Variants in PPFIA1 observed in about 807,000 individuals in gnomAD.
PPFIA1 encodes the protein liprin-alpha-1.
A neutral mutation model predicts 149.9 loss-of-function variants in PPFIA1; 25 were observed. That is an observed-to-expected ratio of 0.17 (90% confidence interval 0.12 to 0.23). PPFIA1 has a LOEUF of 0.23. Ranked by LOEUF, PPFIA1 falls within the 10% of genes least tolerant of loss-of-function variation. The pLI is 1.00. For synonymous variants in PPFIA1, 549 were observed against 552.8 expected, an observed-to-expected ratio of 0.99 and a Z score of 0.10; for missense variants, 1,362 against 1,506.5, an observed-to-expected ratio of 0.90 and a Z score of 1.59.
intron 18 of PPFIA1, 21 bp downstream of exon 18, chr11:70,355,832 CT>C: frequency 6.3e-7 from 1 of 1,594,692 alleles, no homozygotes; most frequent in South Asian, 1.1e-5. Context: ...TTTCCGCACC[CT>C]TCTCAGCACC....
At chr11:70,295,419 C>T (rs535318193) in intron 2 of PPFIA1, among the ~76,000 whole-genome samples, 16 of 144,832 alleles carry the variant, frequency 1.1e-4, no homozygotes, top group Non-Finnish European at 2.1e-4. Context: ...GGTGGCTGGC[C>T]GGGCACAGGG....
chr11:70,335,712 G>A lies in PPFIA1; in HGVS notation c.1428+18G>A. On this transcript the variant is annotated intron_variant, in intron 11 of 27. Coordinates refer to ENST00000253925, the MANE Select transcript of PPFIA1 (RefSeq NM_003626.5). ...AAGATAAGGTAAGTTAGATAACACG[G>A]ACATGCTGGAGCTTTCCCACCCTCT... 1 of 1,613,002 alleles carries A rather than the reference G, an allele frequency of 6.2e-7. No homozygotes were observed. The highest frequency in any genetic ancestry group is 8.5e-7 in the Non-Finnish European group (1 of 1,179,412).
chr11:70,331,610 T>A (rs1300214472), intron 8 of PPFIA1, among the ~76,000 whole-genome samples: 1 of 151,986 alleles, frequency 6.6e-6, no homozygotes, highest in Non-Finnish European at 1.5e-5. Context: ...CGAAGTCCTG[T>A]CTCTACTAAA....
At chr11:70,299,734 C>T (rs1459317637) in intron 2 of PPFIA1, among the ~76,000 whole-genome samples, 3 of 152,188 alleles carry the variant, frequency 2.0e-5, no homozygotes, top group Non-Finnish European at 4.4e-5. Context: ...CCTGCTGCCA[C>T]TCAGAGGCTC....
At chr11:70,369,251 T>A (rs1272180105) in intron 21 of PPFIA1, among the ~76,000 whole-genome samples, 1 of 152,236 alleles carries the variant, frequency 6.6e-6, no homozygotes, top group African/African-American at 2.4e-5. Context: ...ATGATATGGT[T>A]TTTTTTCAAT....
At chr11:70,358,789 C>A (rs1177477219) in intron 19 of PPFIA1, 1 of 152,260 alleles carries the variant, frequency 6.6e-6, no homozygotes, top group East Asian at 1.9e-4. Flanking sequence ...GCATGGTGGG[C>A]GCGTTTGGTG....
At chr11:70,336,229 G>C (rs1238190101) in intron 11 of PPFIA1, among the ~76,000 whole-genome samples, 1 of 152,144 alleles carries the variant, frequency 6.6e-6, no homozygotes, top group East Asian at 1.9e-4. Context: ...CTGGCTGGGC[G>C]TGGTGGCTCA....
At chr11:70,345,329 G>A (rs1435127033) in intron 15 of PPFIA1, among the ~76,000 whole-genome samples, 1 of 150,498 alleles carries the variant, frequency 6.6e-6, no homozygotes, top group African/African-American at 2.4e-5. Flanking sequence ...TGTGGAGTGA[G>A]CAGGGAAATA....
chr11:70,350,707 T>G (rs1296532512), intron 16 of PPFIA1, among the ~76,000 whole-genome samples: 4 of 152,198 alleles, frequency 2.6e-5, no homozygotes, highest in Non-Finnish European at 5.9e-5. Context: ...TTAGAATAGA[T>G]GATTGTTAGG....
intron 4 of PPFIA1, 68 bp from the exon 5 acceptor site, chr11:70,325,432 A>G: frequency 9.8e-7 from 1 of 1,018,020 alleles, no homozygotes; most frequent in Non-Finnish European, 1.5e-6. Context: ...ATTACACTTA[A>G]CTATATATTA....
intron 27 of PPFIA1, 111 bp from the exon 28 acceptor site, chr11:70,382,892 A>C (rs2057761655): frequency 5.5e-5 from 18 of 330,024 alleles, no homozygotes; most frequent in South Asian, 4.3e-4. Flanking sequence ...GGGGTCCTGG[A>C]GGGGAGGGGT....
At chr11:70,374,739 C>T (rs2057412438) in intron 23 of PPFIA1, 179 bp from the exon 24 acceptor site, 2 of 564,130 alleles carry the variant, frequency 3.5e-6, no homozygotes, top group East Asian at 6.4e-5. Context: ...GGAGCAGGGC[C>T]AGGACACCAT....
intron 21 of PPFIA1, chr11:70,371,557 G>C: frequency 1.3e-5 from 2 of 152,026 alleles, no homozygotes; most frequent in Non-Finnish European, 2.9e-5. Flanking sequence ...CTGTTGTTGG[G>C]TGGTGTGTTC....
intron 26 of PPFIA1, among the ~76,000 whole-genome samples, chr11:70,380,697 T>C (rs1446426613): frequency 6.7e-6 from 1 of 150,106 alleles, no homozygotes; most frequent in East Asian, 2.0e-4. Context: ...ATCATGCCAC[T>C]GTACTCCAGC....
chr11:70,324,744 A>G, intron 3 of PPFIA1, 103 bp from the exon 4 acceptor site: 1 of 1,136,164 alleles, frequency 8.8e-7, no homozygotes, highest in Non-Finnish European at 1.3e-6. Flanking sequence ...AATTGAAGGG[A>G]CTTCATTTTA....
intron 16 of PPFIA1, among the ~76,000 whole-genome samples, chr11:70,352,158 C>G (rs1210298376): frequency 6.6e-6 from 1 of 152,180 alleles, no homozygotes; most frequent in East Asian, 1.9e-4. Flanking sequence ...GTGAGCTGCT[C>G]TGTTGAGTGA....
chr11:70,343,140 G>T (rs968269935), intron 14 of PPFIA1, among the ~76,000 whole-genome samples: 20 of 151,974 alleles, frequency 1.3e-4, no homozygotes, highest in Admixed American at 7.2e-4. Context: ...TAGAGATGGG[G>T]TTTCGCCATG....
At chr11:70,377,093 CA>C (rs1034264301) in intron 25 of PPFIA1, among the ~76,000 whole-genome samples, 22 of 142,836 alleles carry the variant, frequency 1.5e-4, no homozygotes, top group East Asian at 1.0e-3. Context: ...CCCCTCCCCG[CA>C]AAAAAAAAAC....
intron 11 of PPFIA1, among the ~76,000 whole-genome samples, chr11:70,336,827 T>C (rs2055008384): frequency 6.6e-6 from 1 of 152,148 alleles, no homozygotes; most frequent in Middle Eastern, 3.2e-3. Context: ...GAAACTGCCC[T>C]GAGATTGGTT....
Sources: allele counts gnomAD v4.1 joint callset (sites outside exome capture counted in the v4.1 genomes callset), GRCh38; gene constraint gnomAD v4.1.1; transcripts MANE v1.5; gene names NCBI Gene and HGNC (gene_info 2026-07-23, HGNC 2026-07-21).